Variants in SEPTIN4 observed in about 807,000 individuals in gnomAD.
SEPTIN4 encodes septin 4.
In SEPTIN4, 52 loss-of-function variants were observed where a neutral mutation model predicts 107.1. The ratio of observed to expected loss-of-function variants is 0.49; its 90% CI spans 0.39 to 0.61. The LOEUF is 0.61. Ranked by LOEUF, SEPTIN4 falls within the 20% of genes least tolerant of loss-of-function variation. The pLI is 0.00. For missense variants in SEPTIN4, 1,048 were observed against 1,243.5 expected (o/e 0.84, Z 2.36); for synonymous variants, 417 against 467.0 (o/e 0.89, Z 1.38).
chr17:58,528,118 G>T, intron 3 of SEPTIN4: 1 of 830,196 alleles, frequency 1.2e-6, no homozygotes, highest in African/African-American at 1.8e-5. Context: ...GGCTGCAGAG[G>T]CTGACTCACT....
At chr17:58,539,128 A>T in intron 3 of SEPTIN4, 1 of 1,532,972 alleles carries the variant, frequency 6.5e-7, no homozygotes, top group Non-Finnish European at 8.7e-7. Context: ...AGAGTCAGAG[A>T]AGACCAGCAG....
intron 5 of SEPTIN4, 37 bp from the exon 6 acceptor site, chr17:58,525,818 G>A (rs768501785): frequency 1.9e-6 from 3 of 1,571,270 alleles, no homozygotes; most frequent in Non-Finnish European, 1.8e-6. Flanking sequence ...AAATCAGAAG[G>A]TAAGATCTAT....
At chr17:58,528,110 C>T (rs549727465) in intron 3 of SEPTIN4, 1 of 878,024 alleles carries the variant, frequency 1.1e-6, no homozygotes, top group South Asian at 5.2e-5. Flanking sequence ...CAAGGGCCGG[C>T]TGCAGAGGCT....
chr17:58,532,073 G>T (rs2043522696), intron 3 of SEPTIN4: 2 of 1,097,706 alleles, frequency 1.8e-6, no homozygotes, highest in Admixed American at 1.0e-4. Flanking sequence ...CTCCCCGAGT[G>T]CGGACCGCTG....
At chr17:58,527,520 G>T in intron 3 of SEPTIN4, 1 of 239,086 alleles carries the variant, frequency 4.2e-6, no homozygotes, top group Non-Finnish European at 8.3e-6. Flanking sequence ...TGTCACTACT[G>T]GTGAGCTGGG....
chr17:58,532,076 G>T (rs1424324139), intron 3 of SEPTIN4: 24 of 1,097,712 alleles, frequency 2.2e-5, no homozygotes, highest in Non-Finnish European at 2.5e-5. Context: ...CCCGAGTGCG[G>T]ACCGCTGCGG....
chr17:58,536,791 C>A (rs2043728982), intron 3 of SEPTIN4, among the ~76,000 whole-genome samples: 1 of 152,222 alleles, frequency 6.6e-6, no homozygotes, highest in South Asian at 2.1e-4. Flanking sequence ...GGGGACATGG[C>A]CATTTCTGCC....
Position 58,521,539 on chromosome 17 carries a change from C to A in SEPTIN4, c.2571+6G>T. On this transcript the variant is annotated splice_donor_region_variant and intron_variant, in intron 10 of 13. Transcript: ENST00000672673. This position sits in a 1 kb window ranked among gnomAD's most constrained non-coding sequence, Gnocchi z 6.4. ...ATAGGAATGGGATGCCCTAGAGTGG[C>A]CCCACCTTTAGGGCTTGGTCCTGCA... 6.2e-7 allele frequency: 1 copy of A among 1,613,472 alleles called. No homozygotes were observed. Among genetic ancestry groups the A allele is most frequent in the Non-Finnish European group, 8.5e-7 (1 of 1,179,378 alleles).
rs750901419 is a variant in SEPTIN4, at chr17:58,543,783, C to A, written c.404G>T (p.Ser135Ile). The A allele has an allele frequency of 8.7e-6, 14 of 1,614,110 alleles. No individual in the cohort carries two copies. In the African/African-American group the frequency reaches 1.6e-4, roughly 18 times the overall value. The part of the protein sequence containing the change: ...PPREEAARRG[S>I]ESKSGREVGH... The stretch of plus-strand genomic sequence containing the variant: ...GACCTCGCGCCCTGACTTGCTCTCA[C>A]TGCCTCTTCGTGCTGCTTCCTCTCT... Residue 135 changes from serine (S) to isoleucine (I), a missense_variant, in exon 1 of 14, where the codon AGT (serine) becomes ATT (isoleucine). By Grantham distance (142) the Ser-to-Ile change is moderately radical (BLOSUM62 -2). Transcript: ENST00000672673.
In SEPTIN4 at chr17:58,521,382, C is replaced by G; in HGVS notation, c.2572-32G>C. 6.2e-7 allele frequency: 1 copy of G among 1,602,606 alleles called. No homozygotes were observed. Among genetic ancestry groups the G allele is most frequent in the Non-Finnish European group, 8.6e-7 (1 of 1,169,534 alleles). ...GAGGTTAGGGGTGCCTGTCAGCACC[C>G]TCTGTTCTCACCTCTTTCTTTCCAC... is the stretch of plus-strand genomic sequence containing the variant. On this transcript the variant is annotated intron_variant, in intron 10 of 13. Coordinates refer to ENST00000672673, the MANE Select transcript of SEPTIN4 (RefSeq NM_001368771.2). The surrounding 1 kb of genome is among the most constrained non-coding windows in gnomAD (Gnocchi z 6.4).
intron 3 of SEPTIN4, among the ~76,000 whole-genome samples, chr17:58,533,371 T>C (rs558929939): frequency 6.6e-6 from 1 of 152,114 alleles, no homozygotes; most frequent in East Asian, 1.9e-4. Flanking sequence ...TACCTGAAAA[T>C]GAGGGGATTA....
intron 3 of SEPTIN4, among the ~76,000 whole-genome samples, chr17:58,534,246 G>C (rs770353668): frequency 6.6e-6 from 1 of 152,190 alleles, no homozygotes; most frequent in Non-Finnish European, 1.5e-5. Context: ...CTGACTTTGA[G>C]CCATCCCACC....
At chr17:58,532,090 G>T (rs2043524634) in intron 3 of SEPTIN4, 2 of 1,078,222 alleles carry the variant, frequency 1.9e-6, no homozygotes, top group South Asian at 9.0e-5. Flanking sequence ...GCTGCGGGAG[G>T]GGCCCGGCGG....
At chr17:58,537,564 A>G (rs2043755407) in intron 3 of SEPTIN4, among the ~76,000 whole-genome samples, 1 of 151,972 alleles carries the variant, frequency 6.6e-6, no homozygotes, top group Non-Finnish European at 1.5e-5. Context: ...GGGCGTGGTG[A>G]CTCATGCCTG....
chr17:58,542,066 C>A, intron 1 of SEPTIN4, 100 bp from the exon 2 acceptor site: 1 of 1,395,088 alleles, frequency 7.2e-7, no homozygotes, highest in Non-Finnish European at 9.8e-7. Context: ...CATTTCTCCA[C>A]TCAAAGGTGC....
At chr17:58,529,997 G>A (rs9903173) in intron 3 of SEPTIN4, 34,409 of 152,086 alleles carry the variant, frequency 0.23, 4,250 homozygotes, top group South Asian at 0.33. Context: ...CAGGGGAGCT[G>A]TTAGCACTTG....
chr17:58,527,028 C>G (rs747192537), intron 3 of SEPTIN4, 50 bp from the exon 4 acceptor site: 1 of 1,612,594 alleles, frequency 6.2e-7, no homozygotes. Flanking sequence ...GGGAAGGGAG[C>G]CGGAAGGGAA....
Position 58,520,411 on chromosome 17 carries a change from A to G in SEPTIN4, c.*15T>C, listed in dbSNP as rs575603153. On this transcript the variant is annotated 3_prime_UTR_variant, in exon 14 of 14. Transcript: ENST00000672673. ...AGAAGAGGAGGAGATTTAAATATCC[A>G]GGGCTGAAAGCCAGTTAATAGTTCT... The G allele has an allele frequency of 1.9e-6, 3 of 1,612,010 alleles. No homozygotes were observed. The highest frequency in any genetic ancestry group is 2.7e-5 in the African/African-American group (2 of 75,012).
Position 58,521,643 on chromosome 17 carries a change from G to A in SEPTIN4, c.2473C>T (p.Arg825Trp), listed in dbSNP as rs770721575. The A allele has an allele frequency of 8.7e-6, 14 of 1,614,158 alleles. No individual in the cohort carries two copies. The highest frequency in any genetic ancestry group is 3.3e-5 in the Admixed American group (2 of 60,026). The change falls in exon 10 of 14, where the codon CGG becomes TGG. Residue 825 changes from arginine to tryptophan, a missense_variant. Arg to Trp is a moderately radical substitution (Grantham distance 101, BLOSUM62 -3). Transcript: ENST00000672673. This position sits in a 1 kb window ranked among gnomAD's most constrained non-coding sequence, Gnocchi z 6.4. The part of the protein sequence containing the change: ...PEVDHKKRKI[R>W]EEIEHFGIKI... ...ATTCCAAAATGCTCAATCTCCTCCC[G>A]GATCTGACAAACAGATGAGGGGCCC...
Sources: allele counts gnomAD v4.1 joint callset (sites outside exome capture counted in the v4.1 genomes callset), GRCh38; gene constraint gnomAD v4.1.1; non-coding constraint Gnocchi (gnomAD v3.1); transcripts MANE v1.5; gene names NCBI Gene and HGNC (gene_info 2026-07-23, HGNC 2026-07-21).